RRP9: variants seen among roughly 807,000 people sequenced by gnomAD.
The protein encoded by RRP9 is ribosomal RNA processing 9, U3 small nucleolar RNA binding protein, also known as U3 small nucleolar RNA-interacting protein 2.
RRP9 carries 35 observed loss-of-function variants against 65.5 expected under a neutral mutation model. That is an observed-to-expected ratio of 0.53 (90% CI 0.41 to 0.71). RRP9 has a LOEUF of 0.71. RRP9 is among the 30% of genes least tolerant of loss of function. The probability of loss-of-function intolerance (pLI) is 0.00; values close to 1 mark genes in which losing one functional copy is unlikely to be tolerated. For synonymous variants in RRP9, 254 were observed against 245.0 expected, an observed-to-expected ratio of 1.04 and a Z score of -0.34; for missense variants, 533 against 633.6, an observed-to-expected ratio of 0.84 and a Z score of 1.70.
rs116614473 is a variant in RRP9, at chr3:51,935,555, T to C, written c.836+37A>G. The C allele has an allele frequency of 4.2e-4, 671 of 1,613,306 alleles. 4 individuals carry two copies. In the African/African-American group the frequency reaches 7.3e-3, roughly 18 times the overall value. ...CGGGCACACACTCCCACACCCTCTC[T>C]CACACCATCCACACACCCTCTCCCA... On this transcript the variant is annotated intron_variant, in intron 9 of 14. Transcript: ENST00000232888.
chr3:51,933,813 G>A (rs1297471617), intron 13 of RRP9, 32 bp from the exon 14 acceptor site: 1 of 1,603,522 alleles, frequency 6.2e-7, no homozygotes, highest in Non-Finnish European at 8.5e-7. Flanking sequence ...AAAGACATTA[G>A]AACGCCCCCC....
rs929533 is a variant in RRP9, at chr3:51,941,561, C to G, written c.88-70G>C. 270 of 1,388,710 alleles carry G rather than the reference C, an allele frequency of 1.9e-4. 1 individual carries two copies. The highest frequency in any genetic ancestry group is 5.8e-4 in the South Asian group (50 of 86,212). The allele number at this position is 1,388,710 out of a possible 1,614,324, so 86.0% of individuals were successfully genotyped here. ...CCTGGCATTGACCAAGGGCCCCCCC[C>G]CCTCGGTTCCCTCAGAACCCCAGGA... On this transcript the variant is annotated intron_variant, in intron 1 of 14. Transcript: ENST00000232888.
In RRP9 at chr3:51,941,406, C is replaced by A; in HGVS notation, c.170+3G>T. On this transcript the variant is annotated splice_donor_region_variant and intron_variant, in intron 2 of 14. Coordinates refer to ENST00000232888, the MANE Select transcript of RRP9 (RefSeq NM_004704.5). ...TCCCACTATGTGGAAAAGAATAGCT[C>A]ACCTCTCGCTCTCAGAGTCGCTGGA... 1 of 1,613,730 alleles carries A rather than the reference C, an allele frequency of 6.2e-7. No individual in the cohort carries two copies. The highest frequency in any genetic ancestry group is 8.5e-7 in the Non-Finnish European group (1 of 1,179,576).
intron 10 of RRP9, 23 bp from the exon 11 acceptor site, chr3:51,935,282 G>T (rs377644700): frequency 1.2e-5 from 19 of 1,614,062 alleles, no homozygotes; most frequent in Non-Finnish European, 1.5e-5. Flanking sequence ...GCTGTGAGGA[G>T]CGTGGCCCAA....
At position 51,936,430 on chromosome 3, in the gene RRP9, C is replaced by G. The variant is rs1306055932; in HGVS notation, c.642+1G>C. On this transcript the variant is annotated splice_donor_variant, in intron 7 of 14. Coordinates refer to ENST00000232888, the MANE Select transcript of RRP9 (RefSeq NM_004704.5). LOFTEE classifies it high-confidence loss of function. ...TGCCCCCAGGGCCAACCTGGCCTTA[C>G]AAGGTACTTGCCGTCGGAGGAGATG... 1 of 1,614,240 alleles carries G rather than the reference C, an allele frequency of 6.2e-7. No homozygotes were observed. Among genetic ancestry groups the G allele is most frequent in the Non-Finnish European group, 8.5e-7 (1 of 1,180,038 alleles).
intron 1 of RRP9, 25 bp downstream of exon 1, chr3:51,941,756 C>T: frequency 6.5e-7 from 1 of 1,533,466 alleles, no homozygotes; most frequent in Non-Finnish European, 8.8e-7. Flanking sequence ...GGGCTGACCG[C>T]GGCCCTCAGA....
Position 51,937,228 on chromosome 3 carries a change from T to C in RRP9, c.481A>G (p.Ile161Val), listed in dbSNP as rs370031327. 4 of 1,613,850 alleles carry C rather than the reference T, an allele frequency of 2.5e-6. No individual in the cohort carries two copies. The highest frequency in any genetic ancestry group is 2.7e-5 in the African/African-American group (2 of 74,930). ...CLVVTPDDSA[I>V]FSAAKDCSII... The stretch of plus-strand genomic sequence containing the variant: ...CTGCAGTCTTTGGCAGCAGAGAAGA[T>C]GGCTGAGTCATCGGGGGTGACGACC... Residue 161 changes from isoleucine to valine, a missense_variant, in exon 6 of 15, where the codon ATC becomes GTC. This residue lies in a region of RRP9 where 449 missense variants were observed against 550.6 expected (regional missense o/e 0.82). Coordinates refer to ENST00000232888, the MANE Select transcript of RRP9 (RefSeq NM_004704.5). The surrounding 1 kb of genome is among the most constrained non-coding windows in gnomAD (Gnocchi z 5.0).
intron 1 of RRP9, 59 bp from the exon 2 acceptor site, chr3:51,941,550 A>T: frequency 2.0e-6 from 3 of 1,487,720 alleles, no homozygotes; most frequent in African/African-American, 3.0e-5. Flanking sequence ...GCATTGACCA[A>T]GGGCCCCCCC....
intron 2 of RRP9, 88 bp downstream of exon 2, chr3:51,941,321 T>C: frequency 9.0e-7 from 1 of 1,115,226 alleles, no homozygotes; most frequent in Non-Finnish European, 1.4e-6. Context: ...TCTTGGATTC[T>C]AGGCTCAGTT....
In RRP9 at chr3:51,941,861, C is replaced by T; in HGVS notation, c.7G>A (p.Ala3Thr). The T allele has an allele frequency of 6.3e-7, 1 of 1,581,146 alleles. No individual in the cohort carries two copies. The highest frequency in any genetic ancestry group is 8.5e-7 in the Non-Finnish European group (1 of 1,171,514). ...CCCCGCTTACGAGCAGCCGCTGTTG[C>T]CGACATGCTGCCCACCAGGCGTGTA... is the stretch of plus-strand genomic sequence containing the variant. MS[A>T]TAAARKRGKP... Residue 3 changes from alanine (A) to threonine (T), a missense_variant, in exon 1 of 15, where the codon GCA becomes ACA. By Grantham distance (58) the Ala-to-Thr change is moderately conservative. Transcript: ENST00000232888.
At chr3:51,941,690 T>A in intron 1 of RRP9, 91 bp downstream of exon 1, 1 of 1,261,854 alleles carries the variant, frequency 7.9e-7, no homozygotes, top group Non-Finnish European at 1.1e-6. Flanking sequence ...GGCGAAGGGC[T>A]GGGGAAGGGC....
Position 51,933,500 on chromosome 3 carries a change from A to C in RRP9, c.*6T>G. The C allele has an allele frequency of 1.2e-6, 2 of 1,610,504 alleles. No individual in the cohort carries two copies. The highest frequency in any genetic ancestry group is 1.7e-6 in the Non-Finnish European group (2 of 1,177,004). On this transcript the variant is annotated 3_prime_UTR_variant, in exon 15 of 15. Coordinates refer to ENST00000232888, the MANE Select transcript of RRP9 (RefSeq NM_004704.5). ...GGGAAGGACTTAAATAAGGAGGATA[A>C]GAGTGTCAGGAACCAGCAGCTGGGG...
At chr3:51,936,942 C>T (rs1313193227) in intron 6 of RRP9, among the ~76,000 whole-genome samples, 1 of 152,238 alleles carries the variant, frequency 6.6e-6, no homozygotes, top group Non-Finnish European at 1.5e-5. Flanking sequence ...CAACCACCTA[C>T]CTGCAGCATT....
chr3:51,938,922 C>A (rs899795416), intron 2 of RRP9, among the ~76,000 whole-genome samples: 4 of 152,206 alleles, frequency 2.6e-5, no homozygotes, highest in Non-Finnish European at 5.9e-5. Flanking sequence ...TCCAAGCGAA[C>A]CTTCACTGTT....
chr3:51,933,893 C>T, intron 13 of RRP9, 112 bp from the exon 14 acceptor site: 1 of 956,362 alleles, frequency 1.0e-6, no homozygotes, highest in Non-Finnish European at 1.7e-6. Context: ...CCCTGCTCTG[C>T]CTCCTGCCAC....
Position 51,935,519 on chromosome 3 carries a change from G to C in RRP9, c.837-43C>G, listed in dbSNP as rs753531021. 4.3e-6 allele frequency: 7 copies of C among 1,613,804 alleles called. No homozygotes were observed. In the East Asian group the frequency reaches 1.3e-4, roughly 31 times the overall value. ...GCAGGATAGTGGGGATAGGGGTACTGCATGAACTCACGGGCACACACTCCC... is the reference window on the plus strand; with the variant it reads ...GCAGGATAGTGGGGATAGGGGTACTCCATGAACTCACGGGCACACACTCCC... On this transcript the variant is annotated intron_variant, in intron 9 of 14. Coordinates refer to ENST00000232888, the MANE Select transcript of RRP9 (RefSeq NM_004704.5).
intron 8 of RRP9, 123 bp from the exon 9 acceptor site, chr3:51,935,815 C>G (rs565571250): frequency 1.4e-6 from 1 of 736,632 alleles, no homozygotes; most frequent in Admixed American, 2.0e-5. Context: ...CAATTTTGTA[C>G]TGCCCACATG....
rs1013403560 is a variant in RRP9 at position 51,937,028 on chromosome 3, G to A, written c.517+164C>T. 2.6e-5 allele frequency among the ~76,000 whole-genome samples: 4 copies of A among 152,176 alleles called. No individual in the cohort carries two copies. Among genetic ancestry groups the A allele is most frequent in the African/African-American group, 7.2e-5 (3 of 41,434 alleles). On this transcript the variant is annotated intron_variant, in intron 6 of 14. Coordinates refer to ENST00000232888, the MANE Select transcript of RRP9 (RefSeq NM_004704.5). The surrounding 1 kb of genome is among the most constrained non-coding windows in gnomAD (Gnocchi z 5.0). ...GGGAGCTCATAAGCCCCACTGCCGG[G>A]CAGCAGCTTTCACTGTCACCCAGAG...
chr3:51,941,846 G>A lies in RRP9; in HGVS notation c.22C>T (p.Arg8Cys), dbSNP rs1333637065. Reference sequence around the variant, plus strand: ...CCAGAGGCCGGCTTTCCCCGCTTACGAGCAGCCGCTGTTGCCGACATGCTG... The same window carrying A: ...CCAGAGGCCGGCTTTCCCCGCTTACAAGCAGCCGCTGTTGCCGACATGCTG... MSATAAA[R>C]KRGKPASGAG... The change falls in exon 1 of 15, where the codon CGT (arginine) becomes TGT (cysteine). Residue 8 changes from arginine to cysteine, a missense_variant. Physicochemically the swap from Arg to Cys is radical, Grantham distance 180 (BLOSUM62 -3). Transcript: ENST00000232888. 1.3e-6 allele frequency: 2 copies of A among 1,582,874 alleles called. No homozygotes were observed. Among genetic ancestry groups the A allele is most frequent in the Non-Finnish European group, 1.7e-6 (2 of 1,172,632 alleles).
Sources: gnomAD v4.1 joint callset for allele counts (sites outside exome capture counted in the v4.1 genomes callset) on GRCh38, gnomAD v4.1.1 for gene constraint, gnomAD v4.1.1 regional missense constraint, Gnocchi (gnomAD v3.1) non-coding constraint, MANE v1.5 for transcripts, NCBI Gene and HGNC (gene_info 2026-07-23, HGNC 2026-07-21) for gene names.